The following ANKRD27 variants were observed in gnomAD, a reference collection of about 807,000 sequenced individuals.
The protein encoded by ANKRD27 is ankyrin repeat domain-containing protein 27.
ANKRD27 carries 112 observed loss-of-function variants against 129.7 expected under a neutral mutation model. The observed-to-expected ratio is 0.86, with a 90% CI of 0.74 to 1.01. ANKRD27 has a LOEUF of 1.01. Among genes scored for constraint, ANKRD27 ranks in the 50% least tolerant of loss-of-function variants. ANKRD27 has a pLI of 0.00. For missense variants in ANKRD27, 1,258 were observed against 1,300.5 expected (o/e 0.97, Z 0.50); for synonymous variants, 516 against 511.2 (o/e 1.01, Z -0.13).
intron 1 of ANKRD27, among the ~76,000 whole-genome samples, chr19:32,670,407 C>T (rs1419843806): frequency 6.6e-6 from 1 of 152,222 alleles, no homozygotes; most frequent in Non-Finnish European, 1.5e-5. Flanking sequence ...GTTAAAAATA[C>T]GTAACATGCA....
At chr19:32,650,568 T>A (rs1967393874) in intron 2 of ANKRD27, among the ~76,000 whole-genome samples, 1 of 151,428 alleles carries the variant, frequency 6.6e-6, no homozygotes, top group African/African-American at 2.4e-5. Context: ...GTGCCTGTAA[T>A]CCCAGCTACT....
chr19:32,632,667 T>A (rs1399688419), intron 12 of ANKRD27, among the ~76,000 whole-genome samples: 1 of 151,532 alleles, frequency 6.6e-6, no homozygotes, highest in Non-Finnish European at 1.5e-5. Flanking sequence ...GACAGTTCAA[T>A]GCTTCCTTGA....
intron 1 of ANKRD27, among the ~76,000 whole-genome samples, chr19:32,671,609 C>A (rs566788315): frequency 9.9e-5 from 15 of 152,282 alleles, no homozygotes; most frequent in Non-Finnish European, 4.4e-5. Flanking sequence ...GCACGAGAAT[C>A]TCTTGAACCT....
At chr19:32,627,580 T>C (rs1003772854) in intron 15 of ANKRD27, among the ~76,000 whole-genome samples, 7 of 151,994 alleles carry the variant, frequency 4.6e-5, no homozygotes, top group African/African-American at 1.7e-4. Context: ...GTATGTTTTG[T>C]AGAGACAGAG....
intron 2 of ANKRD27, 52 bp downstream of exon 2, chr19:32,658,862 G>A (rs259251): frequency 0.6 from 840,684 of 1,406,166 alleles, 262,958 homozygotes; most frequent in Non-Finnish European, 0.66. Context: ...AGTCTACCAC[G>A]TCTCTGGAAC....
At chr19:32,607,497 T>C (rs1244381865) in intron 23 of ANKRD27, 138 bp downstream of exon 23, 3 of 1,051,428 alleles carry the variant, frequency 2.9e-6, no homozygotes, top group African/African-American at 3.2e-5. Context: ...GCCTACCGTG[T>C]GCACCTCAGA....
rs149637042 is a variant in ANKRD27, at chr19:32,627,362, T to TTTTA, written c.1421-539_1421-536dup. Among the ~76,000 whole-genome samples, 1,140 of 132,310 alleles carry TTTTA rather than the reference T, an allele frequency of 8.6e-3. 23 individuals are homozygous for TTTTA. Among genetic ancestry groups the TTTTA allele is most frequent in the East Asian group, 0.03 (135 of 4,440 alleles). 86.8% of individuals were successfully genotyped at this position (132,310 alleles called of 152,430 possible). ...TTTTCTATCTTGAATGTGCACTTTA[T>TTTTA]TTTATTTATTTATTTATTTATTTAT... is the stretch of plus-strand genomic sequence containing the variant. On this transcript the variant is annotated intron_variant, in intron 15 of 28. Transcript: ENST00000306065.
intron 2 of ANKRD27, among the ~76,000 whole-genome samples, chr19:32,654,305 C>T (rs1277117597): frequency 6.6e-6 from 1 of 152,084 alleles, no homozygotes; most frequent in African/African-American, 2.4e-5. Context: ...TTATGACCAG[C>T]CTGGGCAACA....
intron 5 of ANKRD27, among the ~76,000 whole-genome samples, chr19:32,644,087 C>G (rs192672401): frequency 1.4e-4 from 22 of 152,118 alleles, no homozygotes; most frequent in Admixed American, 1.4e-3. Flanking sequence ...GTTACCCAGG[C>G]TGGTCTTGAA....
chr19:32,623,421 C>G (rs1290479576), intron 17 of ANKRD27, among the ~76,000 whole-genome samples: 1 of 152,118 alleles, frequency 6.6e-6, no homozygotes, highest in Non-Finnish European at 1.5e-5. Context: ...ACAGGACTAG[C>G]CTTCATTAAC....
Position 32,655,775 on chromosome 19 carries a change from T to C in ANKRD27, c.102+3139A>G, listed in dbSNP as rs193302129. Among the ~76,000 whole-genome samples, 19 of 152,184 alleles carry C rather than the reference T, an allele frequency of 1.2e-4. No individual in the cohort carries two copies. The East Asian group carries it at 3.7e-3, about 29-fold the overall frequency. On this transcript the variant is annotated intron_variant, in intron 2 of 28. Transcript: ENST00000306065. Reference sequence around the variant, plus strand: ...GCTCACGCCTGTAATTCCAGCACTTTGGGAGGCCAAGGCAGATGGATCACT... The same window carrying C: ...GCTCACGCCTGTAATTCCAGCACTTCGGGAGGCCAAGGCAGATGGATCACT...
rs1491210495 is a variant in ANKRD27 at position 32,661,218 on chromosome 19, T to TAC, written c.-30-2174_-30-2173insGT. Among the ~76,000 whole-genome samples the TAC allele has an allele frequency of 4.4e-3, 352 of 80,096 alleles. 1 individual carries two copies. The highest frequency in any genetic ancestry group is 0.011 in the African/African-American group (323 of 28,172). The allele number at this position is 80,096 out of a possible 152,430, so 52.5% of individuals were successfully genotyped here. ...GCTGTCTAAAAAAAAAAAAAAAAAT[T>TAC]ATACACACACACACACACACACACA... On this transcript the variant is annotated intron_variant, in intron 1 of 28. Coordinates refer to ENST00000306065, the MANE Select transcript of ANKRD27 (RefSeq NM_032139.3).
chr19:32,618,333 G>C (rs1298435754), intron 20 of ANKRD27, among the ~76,000 whole-genome samples: 1 of 151,290 alleles, frequency 6.6e-6, no homozygotes, highest in Non-Finnish European at 1.5e-5. Context: ...AAGTGCAGTG[G>C]CTCGGCCTGT....
chr19:32,609,060 GT>G (rs1971795022), intron 22 of ANKRD27, among the ~76,000 whole-genome samples: 1 of 151,642 alleles, frequency 6.6e-6, no homozygotes, highest in Non-Finnish European at 1.5e-5. Context: ...TAGAGACAGG[GT>G]TTTGCCACGT....
chr19:32,597,614 TTCGAGTGTTGCTTTGCAAA>T lies in ANKRD27; in HGVS notation c.*512_*530del, dbSNP rs3217228. 2,646 of 159,518 alleles carry T rather than the reference TTCGAGTGTTGCTTTGCAAA, an allele frequency of 0.017. 63 individuals are homozygous for T. The highest frequency in any genetic ancestry group is 0.075 in the East Asian group (413 of 5,538). 9.9% of individuals were successfully genotyped at this position (159,518 alleles called of 1,614,324 possible). A position where few individuals can be genotyped will look rare whatever the true frequency, so the allele number is the denominator to read the frequency against. ...AAAATGGGATTGAGGCATCTTTTGG[TTCGAGTGTTGCTTTGCAAA>T]GAAACATTGTCCAGCTGCTGCTTTC... On this transcript the variant is annotated 3_prime_UTR_variant, in exon 29 of 29. Coordinates refer to ENST00000306065, the MANE Select transcript of ANKRD27 (RefSeq NM_032139.3).
intron 23 of ANKRD27, 129 bp from the exon 24 acceptor site, chr19:32,606,083 A>C: frequency 1.2e-6 from 1 of 809,314 alleles, no homozygotes; most frequent in Non-Finnish European, 1.7e-6. Flanking sequence ...AGAAATGCTC[A>C]AGTTTGATAT....
chr19:32,623,175 CAG>C (rs34143729), intron 17 of ANKRD27, among the ~76,000 whole-genome samples: 38,893 of 151,946 alleles, frequency 0.26, 6,269 homozygotes, highest in Non-Finnish European at 0.37. Context: ...ATGTACAGAA[CAG>C]AGTTACTACA....
intron 2 of ANKRD27, among the ~76,000 whole-genome samples, chr19:32,656,312 C>T (rs1265169342): frequency 6.6e-6 from 1 of 152,154 alleles, no homozygotes; most frequent in Non-Finnish European, 1.5e-5. Flanking sequence ...TTTAAAATAT[C>T]ATACAACGAA....
At chr19:32,605,377 T>G (rs1971716281) in intron 24 of ANKRD27, among the ~76,000 whole-genome samples, 1 of 152,008 alleles carries the variant, frequency 6.6e-6, no homozygotes, top group African/African-American at 2.4e-5. Context: ...CAAAAAAAAA[T>G]TAATAAATAA....
Sources: gnomAD v4.1 joint callset for allele counts (sites outside exome capture counted in the v4.1 genomes callset) on GRCh38, gnomAD v4.1.1 for gene constraint, MANE v1.5 for transcripts, NCBI Gene and HGNC (gene_info 2026-07-23, HGNC 2026-07-21) for gene names.